The following SFMBT2 variants were observed in gnomAD, a reference collection of about 807,000 sequenced individuals.
The protein encoded by SFMBT2 is Scm like with four mbt domains 2.
Under a neutral mutation model 110.1 loss-of-function variants are expected in SFMBT2, and 38 were observed. That is an observed-to-expected ratio of 0.35 (90% CI 0.27 to 0.45). The LOEUF (loss-of-function observed/expected upper bound fraction) is 0.45, where lower values mean the gene tolerates loss of function less well. Ranked by LOEUF, SFMBT2 falls within the 20% of genes least tolerant of loss-of-function variation. The pLI is 1.00. For missense variants in SFMBT2, 1,011 were observed against 1,094.9 expected (o/e 0.92, Z 1.08); for synonymous variants, 425 against 425.4 (o/e 1.00, Z 0.01).
At chr10:7,278,556 C>T (rs1841852531) in intron 6 of SFMBT2, among the ~76,000 whole-genome samples, 1 of 152,190 alleles carries the variant, frequency 6.6e-6, no homozygotes, top group Non-Finnish European at 1.5e-5. Context: ...TAAACACATG[C>T]CCCTTTCCAG....
intron 7 of SFMBT2, among the ~76,000 whole-genome samples, chr10:7,266,302 C>T (rs965226235): frequency 2.7e-5 from 4 of 148,368 alleles, no homozygotes; most frequent in African/African-American, 7.4e-5. Flanking sequence ...GTTGGCCAGG[C>T]TGGTCTCGAA....
chr10:7,220,090 T>A (rs569894936), intron 11 of SFMBT2, among the ~76,000 whole-genome samples: 1 of 152,150 alleles, frequency 6.6e-6, no homozygotes, highest in East Asian at 1.9e-4. Flanking sequence ...AACCGAGACC[T>A]GGAATCTCAG....
chr10:7,366,654 A>G (rs561274877), intron 4 of SFMBT2, among the ~76,000 whole-genome samples: 49 of 152,358 alleles, frequency 3.2e-4, no homozygotes, highest in African/African-American at 1.1e-3. Context: ...ACAATAAAAC[A>G]TAGAGAGTGG....
chr10:7,295,622 T>C (rs148720155), intron 4 of SFMBT2, among the ~76,000 whole-genome samples: 4 of 152,350 alleles, frequency 2.6e-5, no homozygotes, highest in African/African-American at 9.6e-5. Context: ...TACTGCCATT[T>C]CTTTTTATTT....
At chr10:7,309,679 T>A (rs1588436979) in intron 4 of SFMBT2, among the ~76,000 whole-genome samples, 1 of 152,208 alleles carries the variant, frequency 6.6e-6, no homozygotes, top group African/African-American at 2.4e-5. Flanking sequence ...CCTTGTTACT[T>A]ACCCTACTAC....
intron 1 of SFMBT2, among the ~76,000 whole-genome samples, chr10:7,397,051 T>C (rs1845947616): frequency 6.6e-6 from 1 of 152,140 alleles, no homozygotes; most frequent in Admixed American, 6.5e-5. Context: ...ACTTAAAGTA[T>C]AATAAAAATA....
chr10:7,162,639 T>A lies in SFMBT2; in HGVS notation c.*1131A>T, dbSNP rs1441526036. On this transcript the variant is annotated 3_prime_UTR_variant, in exon 21 of 21. Transcript: ENST00000397167. ...AATGCTTCCCTCACATCTCTTTCCC[T>A]TCCTCCTCTCTGAAACTAAGCTTTT... is the stretch of plus-strand genomic sequence containing the variant. 6.6e-6 allele frequency: 1 copy of A among 152,242 alleles called. No individual in the cohort carries two copies. Among genetic ancestry groups the A allele is most frequent in the Non-Finnish European group, 1.5e-5 (1 of 68,092 alleles). 9.4% of individuals were successfully genotyped at this position (152,242 alleles called of 1,614,324 possible).
chr10:7,267,073 T>G (rs922588012), intron 7 of SFMBT2, among the ~76,000 whole-genome samples: 2 of 152,188 alleles, frequency 1.3e-5, no homozygotes, highest in African/African-American at 4.8e-5. Flanking sequence ...GAGTTGGGAA[T>G]TCTGGTCTGT....
At chr10:7,360,987 AT>A (rs1167414835) in intron 4 of SFMBT2, among the ~76,000 whole-genome samples, 1 of 152,230 alleles carries the variant, frequency 6.6e-6, no homozygotes, top group African/African-American at 2.4e-5. Flanking sequence ...ATATTTAAAC[AT>A]TTTTTAATAA....
At chr10:7,202,382 A>T in intron 13 of SFMBT2, 98 bp downstream of exon 13, 1 of 1,459,750 alleles carries the variant, frequency 6.9e-7, no homozygotes, top group Non-Finnish European at 9.6e-7. Context: ...GCTATTTGTT[A>T]GATAACTCCA....
chr10:7,198,491 C>A (rs1838845974), intron 14 of SFMBT2, among the ~76,000 whole-genome samples: 1 of 152,214 alleles, frequency 6.6e-6, no homozygotes, highest in South Asian at 2.1e-4. Flanking sequence ...ACGCCATTCT[C>A]CACAGTGACT....
At chr10:7,191,786 G>C (rs184435998) in intron 15 of SFMBT2, among the ~76,000 whole-genome samples, 39 of 152,192 alleles carry the variant, frequency 2.6e-4, no homozygotes, top group Admixed American at 9.2e-4. Context: ...GGCAAGAGTA[G>C]GTGCTCTATA....
chr10:7,281,807 G>C (rs1841955208), intron 6 of SFMBT2, among the ~76,000 whole-genome samples: 1 of 152,088 alleles, frequency 6.6e-6, no homozygotes, highest in East Asian at 1.9e-4. Flanking sequence ...AAATATCGGG[G>C]AAGTAAGTTC....
At chr10:7,185,827 C>CT (rs60436076) in intron 16 of SFMBT2, among the ~76,000 whole-genome samples, 91,689 of 150,888 alleles carry the variant, frequency 0.61, 28,466 homozygotes, top group Middle Eastern at 0.64. Context: ...AGGTGGAGGG[C>CT]TTTTTTTTTC....
intron 8 of SFMBT2, chr10:7,246,286 T>A: frequency 1.9e-6 from 1 of 520,766 alleles, no homozygotes; most frequent in Non-Finnish European, 2.5e-6. Context: ...GAAAATTATT[T>A]ACTGTGAAAA....
At chr10:7,295,824 T>C (rs929321340) in intron 4 of SFMBT2, among the ~76,000 whole-genome samples, 2 of 152,188 alleles carry the variant, frequency 1.3e-5, no homozygotes, top group African/African-American at 2.4e-5. Context: ...GATTAGCCCC[T>C]TAGGTAACAC....
chr10:7,329,056 T>G (rs927432208), intron 4 of SFMBT2, among the ~76,000 whole-genome samples: 2 of 152,254 alleles, frequency 1.3e-5, no homozygotes, highest in Non-Finnish European at 2.9e-5. Flanking sequence ...GAACCTTCAC[T>G]GCCATTGTAT....
chr10:7,229,307 G>A (rs568805057), intron 9 of SFMBT2, among the ~76,000 whole-genome samples: 25 of 152,222 alleles, frequency 1.6e-4, no homozygotes, highest in Admixed American at 5.2e-4. Flanking sequence ...TAGGCCGGGC[G>A]CGGTGGCTCA....
chr10:7,247,273 T>G (rs1185199416), intron 8 of SFMBT2, among the ~76,000 whole-genome samples: 1 of 151,990 alleles, frequency 6.6e-6, no homozygotes, highest in Non-Finnish European at 1.5e-5. Context: ...TGCACCACCA[T>G]ACCTGGCTAA....
Sources: allele counts gnomAD v4.1 joint callset (sites outside exome capture counted in the v4.1 genomes callset), GRCh38; gene constraint gnomAD v4.1.1; transcripts MANE v1.5; gene names NCBI Gene and HGNC (gene_info 2026-07-23, HGNC 2026-07-21).